SPECC1: variants seen among roughly 807,000 people sequenced by gnomAD.
SPECC1 encodes sperm antigen with calponin homology and coiled-coil domains 1, also known as cytospin-B.
Under a neutral mutation model 104.1 loss-of-function variants are expected in SPECC1, and 62 were observed. The ratio of observed to expected loss-of-function variants is 0.60; its 90% CI spans 0.49 to 0.74. The LOEUF (loss-of-function observed/expected upper bound fraction) is 0.74, where lower values mean the gene tolerates loss of function less well. Ranked by LOEUF, SPECC1 falls within the 30% of genes least tolerant of loss-of-function variation. The pLI is 0.00. For synonymous variants in SPECC1, 513 were observed against 501.6 expected, an observed-to-expected ratio of 1.02 and a Z score of -0.30; for missense variants, 1,306 against 1,310.5, an observed-to-expected ratio of 1.00 and a Z score of 0.05.
At chr17:20,227,056 G>A in intron 4 of SPECC1, among the ~76,000 whole-genome samples, 1 of 151,838 alleles carries the variant, frequency 6.6e-6, no homozygotes, top group East Asian at 1.9e-4. Context: ...CCCAGCTGTG[G>A]GAAAGAGGAA....
chr17:20,049,033 TC>T (rs1382059586), intron 1 of SPECC1, among the ~76,000 whole-genome samples: 2 of 152,144 alleles, frequency 1.3e-5, no homozygotes, highest in Non-Finnish European at 2.9e-5. Flanking sequence ...GTCCCTTAGC[TC>T]CCAGTTCCCA....
intron 10 of SPECC1, among the ~76,000 whole-genome samples, chr17:20,254,644 T>C (rs733794): frequency 0.42 from 64,526 of 151,912 alleles, 14,317 homozygotes; most frequent in East Asian, 0.8. Flanking sequence ...TGTATGTGTC[T>C]ATGTGGTGAC....
chr17:20,087,039 G>T (rs569803952), intron 1 of SPECC1: 7 of 152,198 alleles, frequency 4.6e-5, no homozygotes, highest in Admixed American at 6.5e-5. Context: ...GAAAAGGTTG[G>T]ATAAAAGATA....
At chr17:20,095,435 C>T (rs1291757851) in intron 1 of SPECC1, among the ~76,000 whole-genome samples, 3 of 152,220 alleles carry the variant, frequency 2.0e-5, no homozygotes, top group East Asian at 1.9e-4. Flanking sequence ...AGCTCTGCAG[C>T]GTGAGCTCAG....
At chr17:20,198,354 G>A (rs1353628057) in intron 3 of SPECC1, among the ~76,000 whole-genome samples, 4 of 152,190 alleles carry the variant, frequency 2.6e-5, no homozygotes, top group Admixed American at 6.5e-5. Context: ...TGGGGAAAGC[G>A]AAATGATCAG....
intron 13 of SPECC1, among the ~76,000 whole-genome samples, chr17:20,300,036 A>C (rs2041515778): frequency 6.6e-6 from 1 of 152,230 alleles, no homozygotes. Flanking sequence ...TGAAGACTGA[A>C]TTTTTAATTT....
chr17:20,211,463 AGGGGCT>A (rs2151383277), intron 4 of SPECC1, among the ~76,000 whole-genome samples: 1 of 152,366 alleles, frequency 6.6e-6, no homozygotes, highest in African/African-American at 2.4e-5. Context: ...CCTCTGCTCA[AGGGGCT>A]GTGGCCTGGG....
intron 1 of SPECC1, among the ~76,000 whole-genome samples, chr17:20,051,068 T>TTCTTTTTC (rs1555597662): frequency 1.1e-5 from 1 of 90,696 alleles, no homozygotes; most frequent in African/African-American, 4.3e-5. Flanking sequence ...CTTTCTTTCT[T>TTCTTTTTC]TTTCTTTCTT....
rs1259153527 is a variant in SPECC1, at chr17:20,318,533, G to C, written c.*4468G>C. On this transcript the variant is annotated 3_prime_UTR_variant, in exon 15 of 15. Transcript: ENST00000395527. ...CCCTGCTGCCCACAAACGTTACGGAGACTCCCTTAGCCTCCCCCTCCTCTT... is the reference window on the plus strand; with the variant it reads ...CCCTGCTGCCCACAAACGTTACGGACACTCCCTTAGCCTCCCCCTCCTCTT... 1.7e-5 allele frequency: 4 copies of C among 230,586 alleles called. No homozygotes were observed. Among genetic ancestry groups the C allele is most frequent in the Non-Finnish European group, 3.4e-5 (4 of 116,544 alleles). The allele number at this position is 230,586 out of a possible 1,614,324, so 14.3% of individuals were successfully genotyped here.
At chr17:20,045,524 C>T (rs2045505138) in intron 1 of SPECC1, among the ~76,000 whole-genome samples, 1 of 152,162 alleles carries the variant, frequency 6.6e-6, no homozygotes, top group Admixed American at 6.5e-5. Context: ...GAGGATTCCT[C>T]ATCTCAGATG....
chr17:20,127,664 G>C (rs185396432), intron 3 of SPECC1, among the ~76,000 whole-genome samples: 2 of 152,168 alleles, frequency 1.3e-5, no homozygotes, highest in African/African-American at 4.8e-5. Flanking sequence ...CATTATCTGG[G>C]GTGAAAGTAA....
At chr17:20,306,417 A>G (rs1241134144) in intron 14 of SPECC1, among the ~76,000 whole-genome samples, 4 of 152,222 alleles carry the variant, frequency 2.6e-5, no homozygotes, top group Admixed American at 1.3e-4. Flanking sequence ...TTAATAAAGA[A>G]TGGGAAATAC....
chr17:20,199,613 C>T (rs1221159250), intron 3 of SPECC1, among the ~76,000 whole-genome samples: 1 of 151,712 alleles, frequency 6.6e-6, no homozygotes, highest in East Asian at 1.9e-4. Flanking sequence ...CTCTGTTGCC[C>T]AGGCTGTTCT....
intron 13 of SPECC1, among the ~76,000 whole-genome samples, chr17:20,303,816 G>T (rs2041670498): frequency 6.6e-6 from 1 of 151,976 alleles, no homozygotes; most frequent in Non-Finnish European, 1.5e-5. Flanking sequence ...AGCCAGGCGT[G>T]GTAGTGGGCG....
At chr17:20,240,629 T>C (rs537208062) in intron 7 of SPECC1, among the ~76,000 whole-genome samples, 21 of 152,268 alleles carry the variant, frequency 1.4e-4, no homozygotes, top group Non-Finnish European at 2.8e-4. Flanking sequence ...GGTAGCACTG[T>C]TTATTACCAG....
At chr17:20,156,038 G>C in intron 3 of SPECC1, 1 of 1,276,578 alleles carries the variant, frequency 7.8e-7, no homozygotes, top group Non-Finnish European at 9.9e-7. Flanking sequence ...CAGCGGCTCC[G>C]CCGGCAGCTG....
intron 1 of SPECC1, among the ~76,000 whole-genome samples, chr17:20,021,119 T>C (rs1382343298): frequency 6.6e-6 from 1 of 151,994 alleles, no homozygotes; most frequent in Non-Finnish European, 1.5e-5. Context: ...AATTGGATTA[T>C]CATAAAAGTC....
chr17:20,072,637 T>C (rs1456654970), intron 1 of SPECC1, among the ~76,000 whole-genome samples: 1 of 152,216 alleles, frequency 6.6e-6, no homozygotes, highest in Non-Finnish European at 1.5e-5. Context: ...TCCATTAGAA[T>C]GACAGAGTCT....
intron 9 of SPECC1, 91 bp downstream of exon 9, chr17:20,247,410 A>ATG: frequency 7.2e-6 from 6 of 827,806 alleles, no homozygotes; most frequent in African/African-American, 1.7e-5. Context: ...CCGTGTGTGT[A>ATG]TGTGTGTGTG....
Sources: gnomAD v4.1 joint callset for allele counts (sites outside exome capture counted in the v4.1 genomes callset) on GRCh38, gnomAD v4.1.1 for gene constraint, MANE v1.5 for transcripts, NCBI Gene and HGNC (gene_info 2026-07-23, HGNC 2026-07-21) for gene names.